The following VGLL3 variants were observed in gnomAD, a reference collection of about 807,000 sequenced individuals.
VGLL3 encodes the protein transcription cofactor vestigial-like protein 3.
A neutral mutation model predicts 29.2 loss-of-function variants in VGLL3; 18 were observed. The ratio of observed to expected loss-of-function variants is 0.62; its 90% confidence interval spans 0.43 to 0.91. The LOEUF is 0.91. VGLL3 is among the 40% of genes least tolerant of loss of function. The probability of loss-of-function intolerance (pLI) is 0.00; values close to 1 mark genes in which losing one functional copy is unlikely to be tolerated. For missense variants in VGLL3, 440 were observed against 413.2 expected (o/e 1.06, Z -0.56); for synonymous variants, 180 against 151.8 (o/e 1.19, Z -1.36).
intron 2 of VGLL3, among the ~76,000 whole-genome samples, chr3:86,971,621 A>C (rs552831181): frequency 1.2e-3 from 184 of 152,330 alleles, no homozygotes; most frequent in African/African-American, 4.3e-3. Flanking sequence ...TGAGGTAACT[A>C]TGTTTTCTTG....
intron 1 of VGLL3, 121 bp downstream of exon 1, chr3:86,990,497 C>T: frequency 7.8e-7 from 1 of 1,275,522 alleles, no homozygotes; most frequent in Non-Finnish European, 1.0e-6. Context: ...CAAGGACGCT[C>T]CCGCAGATCC....
At position 86,946,145 on chromosome 3, in the gene VGLL3, C is replaced by A. The variant is rs1262028325; in HGVS notation, c.*879G>T. 1.3e-5 allele frequency: 2 copies of A among 151,998 alleles called. No individual in the cohort carries two copies. The highest frequency in any genetic ancestry group is 2.9e-5 in the Non-Finnish European group (2 of 68,002). The allele number at this position is 151,998 out of a possible 1,614,324, so 9.4% of individuals were successfully genotyped here. ...GTTCCATTTATCAAATTTGGATGGGCTAGAAAGAGAATTAGTCTCCTCTAG... is the reference window on the plus strand; with the variant it reads ...GTTCCATTTATCAAATTTGGATGGGATAGAAAGAGAATTAGTCTCCTCTAG... On this transcript the variant is annotated 3_prime_UTR_variant, in exon 4 of 4. Transcript: ENST00000398399.
chr3:86,942,483 C>G lies in VGLL3; in HGVS notation c.*4541G>C, dbSNP rs1166283568. 2 of 151,890 alleles carry G rather than the reference C, an allele frequency of 1.3e-5. No homozygotes were observed. Among genetic ancestry groups the G allele is most frequent in the African/African-American group, 4.8e-5 (2 of 41,336 alleles). The allele number at this position is 151,890 out of a possible 1,614,324, so 9.4% of individuals were successfully genotyped here. The stretch of plus-strand genomic sequence containing the variant: ...CTTTTAATGCGGAAGATTTTTTCCA[C>G]CATATTTTCCAACTTTCCTTCAAGT... On this transcript the variant is annotated 3_prime_UTR_variant, in exon 4 of 4. Coordinates refer to ENST00000398399, the MANE Select transcript of VGLL3 (RefSeq NM_016206.4).
At chr3:86,980,858 C>T (rs1341044660) in intron 1 of VGLL3, among the ~76,000 whole-genome samples, 4 of 151,664 alleles carry the variant, frequency 2.6e-5, no homozygotes, top group African/African-American at 4.8e-5. Context: ...AAAAAAAAAC[C>T]CTAAAACCTA....
intron 2 of VGLL3, among the ~76,000 whole-genome samples, chr3:86,973,642 G>T (rs1000008977): frequency 6.6e-6 from 1 of 152,142 alleles, no homozygotes; most frequent in African/African-American, 2.4e-5. Context: ...GATTAGTCAC[G>T]CCTCACTTTT....
At chr3:86,948,787 A>T (rs1166899492) in intron 3 of VGLL3, among the ~76,000 whole-genome samples, 1 of 152,068 alleles carries the variant, frequency 6.6e-6, no homozygotes, top group African/African-American at 2.4e-5. Context: ...AAAGAAGAGG[A>T]GGAGAAGGAT....
rs9828396 is a variant in VGLL3 at position 86,941,460 on chromosome 3, T to G, written c.*5564A>C. On this transcript the variant is annotated 3_prime_UTR_variant, in exon 4 of 4. Transcript: ENST00000398399. ...GTAGTCTAGAAATTGTTTTTTTTTT[T>G]AAAAAAACAAATTGATGATTACTTA... 7.3e-5 allele frequency: 11 copies of G among 151,192 alleles called. No individual in the cohort carries two copies. The highest frequency in any genetic ancestry group is 1.0e-4 in the Non-Finnish European group (7 of 67,588). The allele number at this position is 151,192 out of a possible 1,614,324, so 9.4% of individuals were successfully genotyped here.
At position 86,946,207 on chromosome 3, in the gene VGLL3, TTC is replaced by T. The variant is rs1302971619; in HGVS notation, c.*815_*816del. 6.6e-6 allele frequency: 1 copy of T among 152,134 alleles called. No individual in the cohort carries two copies. The highest frequency in any genetic ancestry group is 1.5e-5 in the Non-Finnish European group (1 of 67,994). 9.4% of individuals were successfully genotyped at this position (152,134 alleles called of 1,614,324 possible). On this transcript the variant is annotated 3_prime_UTR_variant, in exon 4 of 4. Coordinates refer to ENST00000398399, the MANE Select transcript of VGLL3 (RefSeq NM_016206.4). ...ATTTGATTGAAAGTTTATGCCAACTTTCTTATTAGTCAACCTCCAAGTTATTC... is the reference window on the plus strand; with the variant it reads ...ATTTGATTGAAAGTTTATGCCAACTTTTATTAGTCAACCTCCAAGTTATTC...
intron 1 of VGLL3, among the ~76,000 whole-genome samples, chr3:86,984,901 A>C (rs1014709394): frequency 3.9e-5 from 6 of 152,184 alleles, no homozygotes; most frequent in Admixed American, 2.6e-4. Context: ...CCAAAATTTA[A>C]AAGTAAGAAA....
intron 3 of VGLL3, among the ~76,000 whole-genome samples, chr3:86,965,032 C>T (rs1164991038): frequency 6.6e-6 from 1 of 151,978 alleles, no homozygotes; most frequent in African/African-American, 2.4e-5. Context: ...TGGCATGCAC[C>T]TGTAGTCCCA....
intron 3 of VGLL3, among the ~76,000 whole-genome samples, chr3:86,956,967 A>T (rs994182850): frequency 2.0e-5 from 3 of 152,150 alleles, no homozygotes; most frequent in Non-Finnish European, 4.4e-5. Flanking sequence ...TTATTATTGA[A>T]GTTTTGTTGA....
chr3:86,976,356 T>G (rs1705211348), intron 2 of VGLL3, among the ~76,000 whole-genome samples: 1 of 152,216 alleles, frequency 6.6e-6, no homozygotes, highest in Non-Finnish European at 1.5e-5. Context: ...GTTATCACCT[T>G]ATGTAAAATA....
At chr3:86,973,642 G>A (rs1000008977) in intron 2 of VGLL3, among the ~76,000 whole-genome samples, 11 of 152,142 alleles carry the variant, frequency 7.2e-5, no homozygotes, top group African/African-American at 2.7e-4. Flanking sequence ...GATTAGTCAC[G>A]CCTCACTTTT....
chr3:86,949,063 G>T (rs757573593), intron 3 of VGLL3, among the ~76,000 whole-genome samples: 3 of 152,178 alleles, frequency 2.0e-5, no homozygotes, highest in Admixed American at 1.3e-4. Context: ...TCTACAGAAT[G>T]TCAGCACTGC....
intron 2 of VGLL3, among the ~76,000 whole-genome samples, chr3:86,975,650 T>A (rs1053496532): frequency 2.0e-5 from 3 of 152,190 alleles, no homozygotes; most frequent in Non-Finnish European, 2.9e-5. Context: ...TCAATGCATA[T>A]CTATTTCAGA....
In VGLL3 at chr3:86,943,011, CTG is replaced by C. The variant is rs10609628; in HGVS notation, c.*4011_*4012del. Reference sequence around the variant, plus strand: ...CATGATTGATCGTGTGTGTGTGTGTCTGTGTGTGTGTGTGTGTGTATGTGATT... The same window carrying C: ...CATGATTGATCGTGTGTGTGTGTGTCTGTGTGTGTGTGTGTGTATGTGATT... On this transcript the variant is annotated 3_prime_UTR_variant, in exon 4 of 4. Coordinates refer to ENST00000398399, the MANE Select transcript of VGLL3 (RefSeq NM_016206.4). The C allele has an allele frequency of 0.57, 85,995 of 150,130 alleles. 24,899 individuals carry two copies. Among genetic ancestry groups the C allele is most frequent in the Middle Eastern group, 0.68 (199 of 292 alleles). 9.3% of individuals were successfully genotyped at this position (150,130 alleles called of 1,614,324 possible).
chr3:86,990,932 C>A lies in VGLL3; in HGVS notation c.-189G>T. 9 of 1,091,710 alleles carry A rather than the reference C, an allele frequency of 8.2e-6. No homozygotes were observed. The highest frequency in any genetic ancestry group is 1.0e-5 in the Non-Finnish European group (9 of 896,960). 67.6% of individuals were successfully genotyped at this position (1,091,710 alleles called of 1,614,324 possible). A position where few individuals can be genotyped will look rare whatever the true frequency, so the allele number is the denominator to read the frequency against. On this transcript the variant is annotated 5_prime_UTR_variant, in exon 1 of 4. Transcript: ENST00000398399. Reference sequence around the variant, plus strand: ...GGGGTCGGGAGGGACTGGCAATCAGCGGGGGCCCATGCGCGGGCACCTTCA... The same window carrying A: ...GGGGTCGGGAGGGACTGGCAATCAGAGGGGGCCCATGCGCGGGCACCTTCA...
chr3:86,973,269 C>T (rs572135318), intron 2 of VGLL3, among the ~76,000 whole-genome samples: 2 of 152,178 alleles, frequency 1.3e-5, no homozygotes, highest in South Asian at 4.1e-4. Context: ...CCAGAAAACA[C>T]ATTAGAATCA....
chr3:86,969,069 C>A lies in VGLL3; in HGVS notation c.458G>T (p.Ser153Ile). ...RNSFPTSFWTSSYQPPPAPCL... is the reference protein window; with the variant it reads ...RNSFPTSFWTISYQPPPAPCL... The stretch of plus-strand genomic sequence containing the variant: ...AGGTGCAGGTGGGGGCTGGTAAGAG[C>A]TGGTCCAAAAGGAAGTTGGGAAACT... Residue 153 changes from serine to isoleucine, a missense_variant, in exon 3 of 4, where the codon AGC becomes ATC. Physicochemically the swap from Ser to Ile is moderately radical, Grantham distance 142. Coordinates refer to ENST00000398399, the MANE Select transcript of VGLL3 (RefSeq NM_016206.4). 6.2e-7 allele frequency: 1 copy of A among 1,612,270 alleles called. No individual in the cohort carries two copies. Among genetic ancestry groups the A allele is most frequent in the Non-Finnish European group, 8.5e-7 (1 of 1,178,704 alleles).
Sources: gnomAD v4.1 joint callset for allele counts (sites outside exome capture counted in the v4.1 genomes callset) on GRCh38, gnomAD v4.1.1 for gene constraint, MANE v1.5 for transcripts, NCBI Gene and HGNC (gene_info 2026-07-23, HGNC 2026-07-21) for gene names.